The following MROH1 variants were observed in gnomAD, a reference collection of about 807,000 sequenced individuals.
MROH1 encodes the protein maestro heat like repeat family member 1.
In MROH1, 117 loss-of-function variants were observed where a neutral mutation model predicts 116.5. The observed-to-expected ratio is 1.00, with a 90% confidence interval of 0.86 to 1.17. MROH1 has a LOEUF of 1.17. MROH1 is among the 50% of genes most tolerant of loss of function. The probability of loss-of-function intolerance (pLI) is 0.00; values close to 1 mark genes in which losing one functional copy is unlikely to be tolerated. For missense variants in MROH1, 1,873 were observed against 1,338.5 expected, an observed-to-expected ratio of 1.40 and a Z score of -6.23; for synonymous variants, 921 against 583.9, an observed-to-expected ratio of 1.58 and a Z score of -8.32.
At chr8:144,197,346 G>A (rs1451173517) in intron 10 of MROH1, among the ~76,000 whole-genome samples, 10 of 141,550 alleles carry the variant, frequency 7.1e-5, no homozygotes, top group African/African-American at 2.7e-4. Context: ...CCGCTTGAGT[G>A]TCCCCACAAC....
chr8:144,256,267 G>C (rs4332174), intron 35 of MROH1, among the ~76,000 whole-genome samples: 2 of 151,986 alleles, frequency 1.3e-5, no homozygotes, highest in African/African-American at 2.4e-5. Context: ...CCAGGACCAC[G>C]AGCCCATGTG....
At chr8:144,258,444 TG>T (rs1196036081) in intron 35 of MROH1, among the ~76,000 whole-genome samples, 1 of 152,100 alleles carries the variant, frequency 6.6e-6, no homozygotes, top group Non-Finnish European at 1.5e-5. Flanking sequence ...ACCTGTGGTG[TG>T]GGTGCCCAGC....
In MROH1 at chr8:144,255,514, C is replaced by T. The variant is rs1588523835; in HGVS notation, c.3600C>T (p.Thr1200=). ...TGTGATGACTTCTCCCCCAGGCTAC[C>T]TGTGCACTGTTTGAGGTCATGTCCA... is the stretch of plus-strand genomic sequence containing the variant. ...RVATLLPLSA[T]CALFEVMSTP... is the part of the protein sequence containing the mutation. Residue 1200 remains threonine (T), a synonymous_variant, in exon 35 of 44, where the codon ACC becomes ACT. Transcript: ENST00000326134. 4 of 778,948 alleles carry T rather than the reference C, an allele frequency of 5.1e-6. No homozygotes were observed. Among genetic ancestry groups the T allele is most frequent in the Non-Finnish European group, 7.2e-6 (3 of 417,792 alleles). 48.3% of individuals were successfully genotyped at this position (778,948 alleles called of 1,614,324 possible).
chr8:144,158,663 A>T (rs1459000222), intron 1 of MROH1, among the ~76,000 whole-genome samples: 1 of 152,122 alleles, frequency 6.6e-6, no homozygotes, highest in African/African-American at 2.4e-5. Context: ...GGGATTTCTC[A>T]GATATCTTTC....
At chr8:144,236,827 T>C (rs1840115161) in intron 14 of MROH1, among the ~76,000 whole-genome samples, 1 of 151,302 alleles carries the variant, frequency 6.6e-6, no homozygotes, top group East Asian at 2.0e-4. Flanking sequence ...CTATGGATGG[T>C]TTTCTAACTC....
At chr8:144,236,144 A>G (rs1017464846) in intron 14 of MROH1, among the ~76,000 whole-genome samples, 52 of 152,270 alleles carry the variant, frequency 3.4e-4, no homozygotes, top group African/African-American at 1.2e-3. Flanking sequence ...GTTGACCTGG[A>G]TACTTTCAAA....
chr8:144,254,410 C>T (rs1281888166), intron 33 of MROH1: 1 of 174,854 alleles, frequency 5.7e-6, no homozygotes, highest in African/African-American at 2.4e-5. Context: ...TCTGCGGTGC[C>T]ATCTGAGTGT....
At chr8:144,190,253 C>T (rs1027756036) in intron 7 of MROH1, among the ~76,000 whole-genome samples, 6 of 152,168 alleles carry the variant, frequency 3.9e-5, no homozygotes, top group African/African-American at 9.6e-5. Flanking sequence ...TCTGGCCAGG[C>T]GCGGTGGCTG....
intron 12 of MROH1, among the ~76,000 whole-genome samples, chr8:144,208,484 T>C (rs1212804068): frequency 6.6e-6 from 1 of 151,328 alleles, no homozygotes; most frequent in African/African-American, 2.4e-5. Context: ...TGTATCCCTA[T>C]ATCCCCCTTT....
chr8:144,177,457 C>T (rs374911247), intron 4 of MROH1, among the ~76,000 whole-genome samples: 13 of 152,342 alleles, frequency 8.5e-5, no homozygotes, highest in Admixed American at 5.2e-4. Flanking sequence ...CTCCTCCAAA[C>T]GACCTTGTCA....
chr8:144,244,618 CAT>C (rs1841577410), intron 28 of MROH1, 79 bp downstream of exon 28: 3 of 712,858 alleles, frequency 4.2e-6, no homozygotes, highest in African/African-American at 3.5e-5. Context: ...CCTCTCTCCA[CAT>C]GTGGGCACCA....
intron 22 of MROH1, 98 bp downstream of exon 22, chr8:144,241,615 T>G: frequency 2.6e-6 from 2 of 764,964 alleles, no homozygotes; most frequent in Middle Eastern, 7.2e-4. Context: ...AGGAAGCTGG[T>G]TGCGTCCCTG....
chr8:144,223,144 G>T lies in MROH1; in HGVS notation c.1252G>T (p.Ala418Ser). The change falls in exon 14 of 44, where the codon GCC (alanine) becomes TCC (serine). Residue 418 changes from alanine (A) to serine (S), a missense_variant. Transcript: ENST00000326134. ...RAVVQVISAM[A>S]HHGYLEQPGG... ...AGTGGTGCAGGTGATTAGCGCCATG[G>T]CCCACCACGGCTACCTGGAGCAGCC... The T allele has an allele frequency of 6.2e-7, 1 of 1,612,986 alleles. No homozygotes were observed. The highest frequency in any genetic ancestry group is 8.5e-7 in the Non-Finnish European group (1 of 1,179,568).
At chr8:144,240,217 G>A in intron 19 of MROH1, 64 bp downstream of exon 19, 1 of 698,774 alleles carries the variant, frequency 1.4e-6, no homozygotes, top group Admixed American at 2.2e-5. Context: ...GGGTGCTGGG[G>A]TGGCAGAGGC....
intron 14 of MROH1, among the ~76,000 whole-genome samples, chr8:144,224,865 G>T (rs958387721): frequency 6.6e-6 from 1 of 152,172 alleles, no homozygotes; most frequent in Non-Finnish European, 1.5e-5. Flanking sequence ...GGAGCAGGCA[G>T]GTGCAGGGCC....
At chr8:144,257,131 G>A (rs1431232378) in intron 35 of MROH1, among the ~76,000 whole-genome samples, 1 of 152,238 alleles carries the variant, frequency 6.6e-6, no homozygotes, top group Non-Finnish European at 1.5e-5. Flanking sequence ...TCTGCCTGTG[G>A]TCAGTGCTGG....
At chr8:144,151,133 A>G (rs2130449577) in intron 1 of MROH1, among the ~76,000 whole-genome samples, 2 of 151,432 alleles carry the variant, frequency 1.3e-5, no homozygotes, top group Non-Finnish European at 2.9e-5. Context: ...CTGTAATCCC[A>G]CCTACTCAGG....
chr8:144,193,766 C>T (rs572988267), intron 10 of MROH1, among the ~76,000 whole-genome samples: 5 of 152,146 alleles, frequency 3.3e-5, no homozygotes, highest in African/African-American at 1.2e-4. Context: ...CACCGCCACA[C>T]CTGGCTAGTT....
At chr8:144,206,890 A>G (rs1289058430) in intron 12 of MROH1, among the ~76,000 whole-genome samples, 2 of 151,220 alleles carry the variant, frequency 1.3e-5, no homozygotes, top group African/African-American at 4.8e-5. Flanking sequence ...AAAAAATGCC[A>G]GGTGTGGTGG....
Sources: gnomAD v4.1 joint callset for allele counts (sites outside exome capture counted in the v4.1 genomes callset) on GRCh38, gnomAD v4.1.1 for gene constraint, MANE v1.5 for transcripts, NCBI Gene and HGNC (gene_info 2026-07-23, HGNC 2026-07-21) for gene names.